Variants in WDR90 observed in about 807,000 individuals in gnomAD.
WDR90 encodes WD repeat-containing protein 90.
In WDR90, 238 loss-of-function variants were observed where a neutral mutation model predicts 195.2. The ratio of observed to expected loss-of-function variants is 1.22; its 90% CI spans 1.10 to 1.36. WDR90 has a LOEUF of 1.36. WDR90 is among the 40% of genes most tolerant of loss of function. The pLI, the probability that WDR90 is intolerant of heterozygous loss-of-function variation, is 0.00. For synonymous variants in WDR90, 1,265 were observed against 1,052.4 expected (o/e 1.20, Z -3.91); for missense variants, 2,734 against 2,439.5 (o/e 1.12, Z -2.54).
chr16:654,347 G>C (rs1480626548), intron 13 of WDR90: 1 of 153,428 alleles, frequency 6.5e-6, no homozygotes, highest in African/African-American at 2.4e-5. Context: ...AGATAGCTGG[G>C]CCACAGGCGT....
intron 31 of WDR90, 51 bp downstream of exon 31, chr16:661,838 C>T: frequency 1.9e-6 from 3 of 1,588,392 alleles, no homozygotes; most frequent in Non-Finnish European, 2.6e-6. Flanking sequence ...GGGGTGGAAT[C>T]TGCCTGGGCC....
chr16:666,000 G>T lies in WDR90; in HGVS notation c.4485G>T (p.Gln1495His), dbSNP rs1386132285. Residue 1495 changes from glutamine to histidine, a missense_variant, in exon 36 of 41, where the codon CAG becomes CAT. Coordinates refer to ENST00000293879, the MANE Select transcript of WDR90 (RefSeq NM_145294.5). ...CCCCGTGCTGTGGCCGCCCTGAGCA[G>T]CAGCGGCTAGCGGCTGGCTACGGTG... Reference protein sequence around the residue: ...WSPPCCGRPEQQRLAAGYGDG... With the variant: ...WSPPCCGRPEHQRLAAGYGDG... 1 of 1,603,850 alleles carries T rather than the reference G, an allele frequency of 6.2e-7. No individual in the cohort carries two copies. The highest frequency in any genetic ancestry group is 1.1e-5 in the South Asian group (1 of 91,032).
In WDR90 at chr16:661,942, C is replaced by T. The variant is rs2037925809; in HGVS notation, c.3916C>T (p.Leu1306Phe). The part of the protein sequence containing the change: ...EAVGAGELTS[L>F]CYGAPPLLYC... The stretch of plus-strand genomic sequence containing the variant: ...AGTGGGGGCTGGAGAGCTGACCTCG[C>T]TCTGCTACGGGGCACCTCCCCTGCT... Residue 1306 changes from leucine to phenylalanine, a missense_variant, in exon 32 of 41, where the codon CTC becomes TTC. Coordinates refer to ENST00000293879, the MANE Select transcript of WDR90 (RefSeq NM_145294.5). 2 of 1,608,618 alleles carry T rather than the reference C, an allele frequency of 1.2e-6. No homozygotes were observed. Among genetic ancestry groups the T allele is most frequent in the South Asian group, 1.1e-5 (1 of 91,086 alleles).
At position 657,133 on chromosome 16, in the gene WDR90, C is replaced by G. The variant is rs776496154; in HGVS notation, c.2385C>G (p.Asp795Glu). 2.6e-5 allele frequency: 41 copies of G among 1,580,016 alleles called. No homozygotes were observed. In the African/African-American group the frequency reaches 4.7e-4, roughly 18 times the overall value. The change falls in exon 20 of 41, where the codon GAC becomes GAG. Residue 795 changes from aspartate (D) to glutamate (E), a missense_variant. Physicochemically the swap from Asp to Glu is conservative, Grantham distance 45 (BLOSUM62 2). Transcript: ENST00000293879. ...GAVTGLTATPDGRLLFSSCSQ... is the reference protein window; with the variant it reads ...GAVTGLTATPEGRLLFSSCSQ... ...TCACCGGCCTGACCGCCACCCCTGA[C>G]GGCCGCCTGCTCTTCAGCTCCTGCT...
chr16:660,384 C>T (rs759055712), intron 27 of WDR90, among the ~76,000 whole-genome samples: 2 of 152,228 alleles, frequency 1.3e-5, no homozygotes, highest in Non-Finnish European at 2.9e-5. Context: ...CCTGCCTTCC[C>T]CTCTCACCCA....
intron 29 of WDR90, 38 bp from the exon 30 acceptor site, chr16:661,304 A>G: frequency 6.4e-7 from 1 of 1,556,506 alleles, no homozygotes; most frequent in Non-Finnish European, 8.7e-7. Context: ...CCAGCCAGCC[A>G]CGGCCTCCCC....
intron 27 of WDR90, 60 bp downstream of exon 27, chr16:660,221 G>A: frequency 7.1e-7 from 1 of 1,404,332 alleles, no homozygotes; most frequent in African/African-American, 1.4e-5. Flanking sequence ...CCCCCCGCAG[G>A]GCTCCCCAGC....
chr16:653,114 T>G (rs1210177357), intron 10 of WDR90, among the ~76,000 whole-genome samples: 1 of 152,202 alleles, frequency 6.6e-6, no homozygotes, highest in Non-Finnish European at 1.5e-5. Flanking sequence ...ACGTGTCTGC[T>G]TGAGTGTTCC....
rs370734358 is a variant in WDR90, at chr16:653,245, C to G, written c.1123-96C>G. The G allele has an allele frequency of 1.3e-5, 14 of 1,059,492 alleles. No homozygotes were observed. The African/African-American group carries it at 1.9e-4, about 15-fold the overall frequency. The allele number at this position is 1,059,492 out of a possible 1,614,324, so 65.6% of individuals were successfully genotyped here. ...GTGTGTGCCAGGCCTGCCACCCCCT[C>G]TCCCTGGGCTGGAGTGGGAGGTGAG... is the stretch of plus-strand genomic sequence containing the variant. On this transcript the variant is annotated intron_variant, in intron 10 of 40. Coordinates refer to ENST00000293879, the MANE Select transcript of WDR90 (RefSeq NM_145294.5).
rs537854159 is a variant in WDR90, at chr16:657,266, G to C, written c.2473+45G>C. On this transcript the variant is annotated intron_variant, in intron 20 of 40. Transcript: ENST00000293879. ...CTCTGGGGGACTCCTCAGGGCGGGGGAGGCCTGGATCTGGTGCAGGCCCAC... is the reference window on the plus strand; with the variant it reads ...CTCTGGGGGACTCCTCAGGGCGGGGCAGGCCTGGATCTGGTGCAGGCCCAC... The C allele has an allele frequency of 2.0e-6, 3 of 1,496,550 alleles. No homozygotes were observed. The African/African-American group carries it at 4.2e-5, about 21-fold the overall frequency. The allele number at this position is 1,496,550 out of a possible 1,614,324, so 92.7% of individuals were successfully genotyped here.
Position 656,517 on chromosome 16 carries a change from G to A in WDR90, c.2182G>A (p.Asp728Asn). 2.5e-6 allele frequency: 4 copies of A among 1,572,000 alleles called. No individual in the cohort carries two copies. The highest frequency in any genetic ancestry group is 3.4e-6 in the Non-Finnish European group (4 of 1,160,392). Residue 728 changes from aspartate to asparagine, a missense_variant, in exon 18 of 41, where the codon GAC becomes AAC. Physicochemically the swap from Asp to Asn is conservative, Grantham distance 23. Transcript: ENST00000293879. Reference protein sequence around the residue: ...VSQDRTVRIWDLATLQQLYDF... With the variant: ...VSQDRTVRIWNLATLQQLYDF... ...CCAGGACCGTACCGTCCGCATCTGG[G>A]ACCTGGCCACCCTGCAGCAGGTGGG...
chr16:658,551 C>T lies in WDR90; in HGVS notation c.2793C>T (p.Cys931=), dbSNP rs1156485561. The T allele has an allele frequency of 1.2e-6, 2 of 1,612,454 alleles. No homozygotes were observed. Among genetic ancestry groups the T allele is most frequent in the African/African-American group, 2.7e-5 (2 of 74,936 alleles). The change falls in exon 23 of 41, where the codon TGC becomes TGT. Residue 931 remains cysteine, a synonymous_variant. Transcript: ENST00000293879. ...TGCCCGGTGTCCACCCTGAGCCCTG[C>T]CCCTCCTTGACGCTCAGTGAGGACG... is the stretch of plus-strand genomic sequence containing the variant. The part of the protein sequence containing the change: ...RELPGVHPEP[C]PSLTLSEDAR...
At chr16:652,118 C>A in intron 9 of WDR90, 79 bp downstream of exon 9, 1 of 1,454,434 alleles carries the variant, frequency 6.9e-7, no homozygotes. Flanking sequence ...GAGATGCATT[C>A]AGAACGGATG....
At chr16:656,064 C>T (rs532287422) in intron 17 of WDR90, 175 bp downstream of exon 17, 17 of 859,938 alleles carry the variant, frequency 2.0e-5, no homozygotes, top group African/African-American at 1.2e-4. Flanking sequence ...CAGGGCGGCC[C>T]GCGGGGCAGC....
chr16:659,048 C>T lies in WDR90; in HGVS notation c.3011+37C>T, dbSNP rs201253956. On this transcript the variant is annotated intron_variant, in intron 24 of 40. Transcript: ENST00000293879. Reference sequence around the variant, plus strand: ...CTCTCAGCTGTGTCTGCCTAGGCCCCCCAGGCCCTCCTGAAACCCTCTCTC... The same window carrying T: ...CTCTCAGCTGTGTCTGCCTAGGCCCTCCAGGCCCTCCTGAAACCCTCTCTC... 3.4e-4 allele frequency: 550 copies of T among 1,613,244 alleles called. 4 individuals carry two copies. The African/African-American group carries it at 6.2e-3, about 18-fold the overall frequency.
At position 652,268 on chromosome 16, in the gene WDR90, G is replaced by C. The variant is rs528050300; in HGVS notation, c.1054-199G>C. On this transcript the variant is annotated intron_variant, in intron 9 of 40. Transcript: ENST00000293879. ...CCAATGCGTCAGCCCCAGGTGGTCT[G>C]TGGGGGACCCTCGAAGGTCTGGCAG... The C allele has an allele frequency of 8.1e-5, 65 of 803,000 alleles. 1 individual carries two copies. Among genetic ancestry groups the C allele is most frequent in the Non-Finnish European group, 1.1e-4 (58 of 520,326 alleles). The allele number at this position is 803,000 out of a possible 1,614,324, so 49.7% of individuals were successfully genotyped here.
At chr16:661,212 C>T (rs930650343) in intron 29 of WDR90, 40 bp downstream of exon 29, 17 of 1,517,142 alleles carry the variant, frequency 1.1e-5, no homozygotes, top group Admixed American at 2.0e-5. Context: ...CCAGGGCCAC[C>T]GTGCCCGGCA....
Position 651,034 on chromosome 16 carries a change from C to T in WDR90, c.599C>T (p.Pro200Leu), listed in dbSNP as rs1486608948. ...GAQWAKLPVTPMPREMAFPVP... is the reference protein window; with the variant it reads ...GAQWAKLPVTLMPREMAFPVP... ...CAGTGGGCAAAGCTGCCCGTGACTC[C>T]TATGCCTCGGGAAATGGCATTCCCT... The change falls in exon 6 of 41, where the codon CCT becomes CTT. Residue 200 changes from proline (P) to leucine (L), a missense_variant. Pro to Leu is a moderately conservative substitution (Grantham distance 98, BLOSUM62 -3). Transcript: ENST00000293879. 6.2e-7 allele frequency: 1 copy of T among 1,613,464 alleles called. No homozygotes were observed. Among genetic ancestry groups the T allele is most frequent in the Non-Finnish European group, 8.5e-7 (1 of 1,179,970 alleles).
In WDR90 at chr16:655,723, G is replaced by A. The variant is rs745494013; in HGVS notation, c.1849+20G>A. ...GCTCAGGTAAGAGGGCGCCCACCACGTGGCCAGGGTGGCAGGGACACCGAG... is the reference window on the plus strand; with the variant it reads ...GCTCAGGTAAGAGGGCGCCCACCACATGGCCAGGGTGGCAGGGACACCGAG... On this transcript the variant is annotated intron_variant, in intron 16 of 40. Coordinates refer to ENST00000293879, the MANE Select transcript of WDR90 (RefSeq NM_145294.5). 39 of 1,580,392 alleles carry A rather than the reference G, an allele frequency of 2.5e-5. No homozygotes were observed. Among genetic ancestry groups the A allele is most frequent in the South Asian group, 1.0e-4 (9 of 87,462 alleles).
Sources: allele counts gnomAD v4.1 joint callset (sites outside exome capture counted in the v4.1 genomes callset), GRCh38; gene constraint gnomAD v4.1.1; transcripts MANE v1.5; gene names NCBI Gene and HGNC (gene_info 2026-07-23, HGNC 2026-07-21).